FMO2: variants seen among roughly 807,000 people sequenced by gnomAD.
The protein encoded by FMO2 is flavin containing dimethylaniline monoxygenase 2, also known as flavin-containing monooxygenase 2.
In FMO2, 33 loss-of-function variants were observed where a neutral mutation model predicts 41.6. The ratio of observed to expected loss-of-function variants is 0.79; its 90% CI spans 0.60 to 1.06. The LOEUF (loss-of-function observed/expected upper bound fraction) is 1.06. FMO2 is among the 50% of genes least tolerant of loss of function. The pLI, the probability that FMO2 is intolerant of heterozygous loss-of-function variation, is 0.00. For synonymous variants in FMO2, 214 were observed against 219.6 expected (o/e 0.97, Z 0.23); for missense variants, 619 against 632.9 (o/e 0.98, Z 0.23).
intron 3 of FMO2, among the ~76,000 whole-genome samples, chr1:171,195,837 G>A (rs1658285965): frequency 6.6e-6 from 1 of 152,092 alleles, no homozygotes; most frequent in Admixed American, 6.6e-5. Context: ...ATTCAAATAA[G>A]ATCATGAACT....
At chr1:171,187,674 C>T (rs1657909788) in intron 2 of FMO2, among the ~76,000 whole-genome samples, 1 of 149,856 alleles carries the variant, frequency 6.7e-6, no homozygotes, top group Non-Finnish European at 1.5e-5. Context: ...GTGGGCACTC[C>T]ATCCCAAATC....
Position 171,204,041 on chromosome 1 carries a change from T to C in FMO2, c.804T>C (p.Asn268=). ...TGAATCGGTGGTTCAACCATGAAAATTATGGCCTTGAGCCTCAAAACAAGT... is the reference window on the plus strand; with the variant it reads ...TGAATCGGTGGTTCAACCATGAAAACTATGGCCTTGAGCCTCAAAACAAGT... ...QQMNRWFNHE[N]YGLEPQNKYI... is the part of the protein sequence containing the mutation. Residue 268 remains asparagine (N), a synonymous_variant, in exon 6 of 9, where the codon AAT becomes AAC. Transcript: ENST00000209929. The C allele has an allele frequency of 2.5e-6, 4 of 1,613,496 alleles. No individual in the cohort carries two copies. Among genetic ancestry groups the C allele is most frequent in the Non-Finnish European group, 3.4e-6 (4 of 1,179,676 alleles).
chr1:171,196,905 G>A, intron 4 of FMO2, 94 bp downstream of exon 4: 1 of 1,110,872 alleles, frequency 9.0e-7, no homozygotes. Context: ...TGCTGCAACT[G>A]GGCAGAACTT....
At position 171,210,513 on chromosome 1, in the gene FMO2, A is replaced by T. The variant is rs1346484601; in HGVS notation, c.*1368A>T. On this transcript the variant is annotated 3_prime_UTR_variant, in exon 9 of 9. Transcript: ENST00000209929. ...AGCAATTCAATGTCAATAGACATTAAGCAACATAATAGACAAACATCTCCT... is the reference window on the plus strand; with the variant it reads ...AGCAATTCAATGTCAATAGACATTATGCAACATAATAGACAAACATCTCCT... 1.3e-5 allele frequency: 2 copies of T among 152,262 alleles called. No homozygotes were observed. Among genetic ancestry groups the T allele is most frequent in the Non-Finnish European group, 2.9e-5 (2 of 68,044 alleles). The allele number at this position is 152,262 out of a possible 1,614,324, so 9.4% of individuals were successfully genotyped here.
chr1:171,196,077 CAG>C (rs1001634144), intron 3 of FMO2, among the ~76,000 whole-genome samples: 2 of 152,056 alleles, frequency 1.3e-5, no homozygotes, highest in African/African-American at 2.4e-5. Flanking sequence ...AAATAACAAA[CAG>C]AGAGAAGTTC....
At chr1:171,196,832 C>T in intron 4 of FMO2, 21 bp downstream of exon 4, 2 of 1,606,766 alleles carry the variant, frequency 1.2e-6, no homozygotes, top group South Asian at 1.1e-5. Flanking sequence ...CTGGGATTCC[C>T]AGCTTTTTGG....
intron 2 of FMO2, among the ~76,000 whole-genome samples, chr1:171,191,153 A>T (rs1658068749): frequency 6.6e-6 from 1 of 152,182 alleles, no homozygotes; most frequent in Non-Finnish European, 1.5e-5. Context: ...CTCAAAAAAA[A>T]AAAAGGGATT....
intron 2 of FMO2, among the ~76,000 whole-genome samples, chr1:171,191,017 T>C (rs1442182849): frequency 1.3e-5 from 2 of 151,890 alleles, no homozygotes; most frequent in East Asian, 3.9e-4. Context: ...TGGTGGCGCA[T>C]ACCTGTAATC....
intron 7 of FMO2, among the ~76,000 whole-genome samples, chr1:171,207,173 A>C (rs1224207895): frequency 6.6e-6 from 1 of 152,152 alleles, no homozygotes; most frequent in Non-Finnish European, 1.5e-5. Flanking sequence ...ACTTGTGGGC[A>C]GGCGATGGAG....
intron 5 of FMO2, among the ~76,000 whole-genome samples, chr1:171,199,984 T>C (rs112392798): frequency 0.1 from 15,839 of 152,184 alleles, 1,486 homozygotes; most frequent in African/African-American, 0.26. Flanking sequence ...CCCAAAGTGC[T>C]GGGATTACAG....
intron 3 of FMO2, among the ~76,000 whole-genome samples, chr1:171,195,463 C>T (rs970650024): frequency 2.0e-5 from 3 of 152,184 alleles, no homozygotes; most frequent in African/African-American, 7.2e-5. Flanking sequence ...CAAGGATCTA[C>T]AGCACTTAGT....
At chr1:171,208,440 C>T (rs1658850541) in intron 8 of FMO2, among the ~76,000 whole-genome samples, 1 of 152,196 alleles carries the variant, frequency 6.6e-6, no homozygotes, top group African/African-American at 2.4e-5. Flanking sequence ...CTCCTTTGAG[C>T]AAGACACCAA....
chr1:171,205,313 G>A lies in FMO2; in HGVS notation c.862G>A (p.Val288Ile), dbSNP rs768069225. ...IMKEPVLNDD[V>I]PSRLLCGAIK... ...GAAGGAACCTGTACTAAATGATGATGTCCCAAGTCGTCTACTCTGTGGAGC... is the reference window on the plus strand; with the variant it reads ...GAAGGAACCTGTACTAAATGATGATATCCCAAGTCGTCTACTCTGTGGAGC... Residue 288 changes from valine to isoleucine, a missense_variant, in exon 7 of 9, where the codon GTC becomes ATC. Coordinates refer to ENST00000209929, the MANE Select transcript of FMO2 (RefSeq NM_001460.5). 2 of 1,612,940 alleles carry A rather than the reference G, an allele frequency of 1.2e-6. No homozygotes were observed. The highest frequency in any genetic ancestry group is 1.7e-6 in the Non-Finnish European group (2 of 1,179,204).
In FMO2 at chr1:171,207,780, A is replaced by G; in HGVS notation, c.1246A>G (p.Arg416Gly). 3.8e-6 allele frequency: 6 copies of G among 1,597,788 alleles called. No homozygotes were observed. Among genetic ancestry groups the G allele is most frequent in the Non-Finnish European group, 5.1e-6 (6 of 1,165,914 alleles). Residue 416 changes from arginine to glycine, a missense_variant, in exon 8 of 9, where the codon AGA becomes GGA. Transcript: ENST00000209929. ...GGACATTATCAAAAGGAATGAAAAAAGAATTGACCTGTAAGAATTTTTTTT... is the reference window on the plus strand; with the variant it reads ...GGACATTATCAAAAGGAATGAAAAAGGAATTGACCTGTAAGAATTTTTTTT... ...MMDIIKRNEK[R>G]IDLFGESQSQ...
intron 5 of FMO2, among the ~76,000 whole-genome samples, chr1:171,201,712 T>C (rs1040193593): frequency 2.0e-5 from 3 of 152,146 alleles, no homozygotes; most frequent in Non-Finnish European, 4.4e-5. Flanking sequence ...ACTGGGTAAT[T>C]TATAAAGAAA....
intron 7 of FMO2, 30 bp downstream of exon 7, chr1:171,205,664 C>G: frequency 7.2e-7 from 1 of 1,380,748 alleles, no homozygotes; most frequent in Non-Finnish European, 9.9e-7. Flanking sequence ...AGTGGCTAAG[C>G]GTTTCAGATC....
At position 171,202,354 on chromosome 1, in the gene FMO2, G is replaced by T. The variant is rs28369888; in HGVS notation, c.628-1511G>T. Among the ~76,000 whole-genome samples, 101 of 152,210 alleles carry T rather than the reference G, an allele frequency of 6.6e-4. 2 individuals carry two copies. The East Asian group carries it at 0.018, about 27-fold the overall frequency. ...AACGGCAGGAGAAATTCAGAACATAGGTATATACCACACACAGACCAGCAA... is the reference window on the plus strand; with the variant it reads ...AACGGCAGGAGAAATTCAGAACATATGTATATACCACACACAGACCAGCAA... On this transcript the variant is annotated intron_variant, in intron 5 of 8. Coordinates refer to ENST00000209929, the MANE Select transcript of FMO2 (RefSeq NM_001460.5).
chr1:171,189,118 A>G (rs995810347), intron 2 of FMO2: 1 of 152,186 alleles, frequency 6.6e-6, no homozygotes, highest in African/African-American at 2.4e-5. Context: ...TGAAGTATTG[A>G]TAGAGGAAAA....
At chr1:171,189,773 G>GATTA (rs1658007162) in intron 2 of FMO2, among the ~76,000 whole-genome samples, 1 of 150,202 alleles carries the variant, frequency 6.7e-6, no homozygotes, top group South Asian at 2.1e-4. Context: ...ATTTAGCTGG[G>GATTA]ATTACAGCCT....
Sources: gnomAD v4.1 joint callset for allele counts (sites outside exome capture counted in the v4.1 genomes callset) on GRCh38, gnomAD v4.1.1 for gene constraint, MANE v1.5 for transcripts, NCBI Gene and HGNC (gene_info 2026-07-23, HGNC 2026-07-21) for gene names.